Variants in FCRLA observed in about 807,000 individuals in gnomAD.
FCRLA encodes Fc receptor-like A.
FCRLA carries 26 observed loss-of-function variants against 28.4 expected under a neutral mutation model. The ratio of observed to expected loss-of-function variants is 0.91; its 90% CI spans 0.67 to 1.27. FCRLA has a LOEUF of 1.27. FCRLA is among the 50% of genes most tolerant of loss of function. The pLI, the probability that FCRLA is intolerant of heterozygous loss-of-function variation, is 0.00. For missense variants in FCRLA, 422 were observed against 433.1 expected (o/e 0.97, Z 0.23); for synonymous variants, 174 against 168.5 (o/e 1.03, Z -0.25).
chr1:161,713,094 G>T lies in FCRLA; in HGVS notation c.794G>T (p.Ser265Ile). 1.2e-6 allele frequency: 2 copies of T among 1,612,296 alleles called. No individual in the cohort carries two copies. Among genetic ancestry groups the T allele is most frequent in the Admixed American group, 1.7e-5 (1 of 59,562 alleles). Residue 265 changes from serine (S) to isoleucine (I), a missense_variant, in exon 5 of 5, where the codon AGC becomes ATC. This residue lies in a region of FCRLA where 185 missense variants were observed against 198.1 expected (regional missense o/e 0.93). Transcript: ENST00000236938. ...QLEIRVQGAS[S>I]SAAPPTLNPA... is the part of the protein sequence containing the mutation. ...CTGCCCCATAATTCAGGTGCTTCCA[G>T]CTCTGCTGCACCTCCCACATTGAAT...
At position 161,713,542 on chromosome 1, in the gene FCRLA, G is replaced by A. The variant is rs539335514; in HGVS notation, c.*162G>A. The A allele has an allele frequency of 8.2e-6, 5 of 607,914 alleles. No individual in the cohort carries two copies. The highest frequency in any genetic ancestry group is 1.9e-5 in the African/African-American group (1 of 53,996). 37.7% of individuals were successfully genotyped at this position (607,914 alleles called of 1,614,324 possible). Reference sequence around the variant, plus strand: ...GAGTGTAAATAAATTTATATAAAGTGAGAATTAGAGTTTAGCTATAATTGT... The same window carrying A: ...GAGTGTAAATAAATTTATATAAAGTAAGAATTAGAGTTTAGCTATAATTGT... On this transcript the variant is annotated 3_prime_UTR_variant, in exon 5 of 5. Transcript: ENST00000236938.
intron 1 of FCRLA, among the ~76,000 whole-genome samples, chr1:161,709,657 A>T (rs1682998907): frequency 7.9e-6 from 1 of 125,798 alleles, no homozygotes; most frequent in Admixed American, 7.9e-5. Context: ...AAGAGAATAA[A>T]GGCAAGTGGG....
At position 161,712,042 on chromosome 1, in the gene FCRLA, C is replaced by T. The variant is rs1329832825; in HGVS notation, c.608C>T (p.Ala203Val). 6.2e-7 allele frequency: 1 copy of T among 1,614,216 alleles called. No individual in the cohort carries two copies. The highest frequency in any genetic ancestry group is 1.7e-5 in the Admixed American group (1 of 60,024). ...QTKLPLQRSA[A>V]RLLFSFYKDG... ...AAGTTGCCCCTGCAGAGGTCAGCTG[C>T]CCGCCTCCTCTTCTCCTTCTACAAG... is the stretch of plus-strand genomic sequence containing the variant. The change falls in exon 4 of 5, where the codon GCC becomes GTC. Residue 203 changes from alanine to valine, a missense_variant. Ala to Val is a moderately conservative substitution (Grantham distance 64, BLOSUM62 0). Transcript: ENST00000236938.
chr1:161,712,505 A>G (rs533798467), intron 4 of FCRLA, among the ~76,000 whole-genome samples: 1 of 152,208 alleles, frequency 6.6e-6, no homozygotes, highest in Non-Finnish European at 1.5e-5. Flanking sequence ...CTGGGCATTT[A>G]TAGGAATTTA....
At chr1:161,713,012 A>T in intron 4 of FCRLA, 73 bp from the exon 5 acceptor site, 1 of 1,507,946 alleles carries the variant, frequency 6.6e-7, no homozygotes. Flanking sequence ...AACAAGAAAG[A>T]TTGGCCAGGG....
chr1:161,710,634 A>C (rs1434391920), intron 1 of FCRLA, 126 bp from the exon 2 acceptor site: 18 of 1,420,242 alleles, frequency 1.3e-5, no homozygotes, highest in East Asian at 2.4e-5. Flanking sequence ...AAAAAAAAAA[A>C]GGTTTTGATG....
In FCRLA at chr1:161,711,932, A is replaced by G; in HGVS notation, c.500-2A>G. 6.2e-7 allele frequency: 1 copy of G among 1,604,294 alleles called. No individual in the cohort carries two copies. The stretch of plus-strand genomic sequence containing the variant: ...CTTCTTTCCTGCCTATCTTTTTCCC[A>G]GAACTGTTTCCAGCGCCAATTCTCA... On this transcript the variant is annotated splice_acceptor_variant, in intron 3 of 4. Coordinates refer to ENST00000236938, the MANE Select transcript of FCRLA (RefSeq NM_032738.4). LOFTEE classifies it high-confidence loss of function.
chr1:161,711,033 GC>G, intron 2 of FCRLA, 121 bp downstream of exon 2: 1 of 1,465,668 alleles, frequency 6.8e-7, no homozygotes, highest in South Asian at 1.3e-5. Context: ...CCAGTCTTCA[GC>G]CCACAGCAAC....
chr1:161,708,529 T>C (rs139854668), intron 1 of FCRLA, among the ~76,000 whole-genome samples: 70 of 152,354 alleles, frequency 4.6e-4, no homozygotes, highest in African/African-American at 1.6e-3. Context: ...TTCTTTATCA[T>C]GGCACAAAAG....
At position 161,711,377 on chromosome 1, in the gene FCRLA, A is replaced by G; in HGVS notation, c.402A>G (p.Gln134=). The change falls in exon 3 of 5, where the codon CAA becomes CAG. Residue 134 remains glutamine, a synonymous_variant. Coordinates refer to ENST00000236938, the MANE Select transcript of FCRLA (RefSeq NM_032738.4). The stretch of plus-strand genomic sequence containing the variant: ...GGGAATTCTCCATCACCGTGGTACA[A>G]AAGGCAGACAGCGGGCACTACCACT... ...PNREFSITVV[Q]KADSGHYHCS... 6.2e-7 allele frequency: 1 copy of G among 1,614,188 alleles called. No homozygotes were observed. The highest frequency in any genetic ancestry group is 2.2e-5 in the East Asian group (1 of 44,878).
chr1:161,713,185 G>A lies in FCRLA; in HGVS notation c.885G>A (p.Pro295=), dbSNP rs6688140. 1.4e-3 allele frequency: 2,245 copies of A among 1,614,184 alleles called. 5 individuals carry two copies. The highest frequency in any genetic ancestry group is 1.6e-3 in the Non-Finnish European group (1,902 of 1,180,024). Residue 295 remains proline, a synonymous_variant, in exon 5 of 5, where the codon CCG becomes CCA. Coordinates refer to ENST00000236938, the MANE Select transcript of FCRLA (RefSeq NM_032738.4). Reference sequence around the variant, plus strand: ...AGGAGGCCCCTGGGCCTCTGCCTCCGCCGCCAACCCCATCTTCTGAGGATC... The same window carrying A: ...AGGAGGCCCCTGGGCCTCTGCCTCCACCGCCAACCCCATCTTCTGAGGATC... The part of the protein sequence containing the change: ...APEEAPGPLP[P]PPTPSSEDPG...
At position 161,710,830 on chromosome 1, in the gene FCRLA, T is replaced by C. The variant is rs1223419934; in HGVS notation, c.150T>C (p.Asp50=). Residue 50 remains aspartate, a synonymous_variant, in exon 2 of 5, where the codon GAT becomes GAC. Coordinates refer to ENST00000236938, the MANE Select transcript of FCRLA (RefSeq NM_032738.4). ...CTEESSCHTE[D]DLTDAREAGF... is the part of the protein sequence containing the mutation. ...AGGAGAGCAGCTGCCACACGGAGGATGACTTGACTGATGCAAGGGAAGCTG... is the reference window on the plus strand; with the variant it reads ...AGGAGAGCAGCTGCCACACGGAGGACGACTTGACTGATGCAAGGGAAGCTG... 1.5e-5 allele frequency: 24 copies of C among 1,613,950 alleles called. No individual in the cohort carries two copies. The highest frequency in any genetic ancestry group is 2.7e-5 in the African/African-American group (2 of 74,918).
At chr1:161,713,048 C>T (rs753650957) in intron 4 of FCRLA, 37 bp from the exon 5 acceptor site, 4 of 1,580,248 alleles carry the variant, frequency 2.5e-6, no homozygotes, top group Admixed American at 1.8e-5. Context: ...CAGAGTCAGA[C>T]TTCACTCTTG....
chr1:161,713,062 G>A (rs982693291), intron 4 of FCRLA, 23 bp from the exon 5 acceptor site: 9 of 1,597,310 alleles, frequency 5.6e-6, no homozygotes, highest in South Asian at 1.1e-5. Flanking sequence ...ACTCTTGTAT[G>A]TGCCTCCTGC....
rs749816661 is a variant in FCRLA, at chr1:161,710,795, G to C, written c.115G>C (p.Val39Leu). The C allele has an allele frequency of 6.2e-7, 1 of 1,614,110 alleles. No homozygotes were observed. Among genetic ancestry groups the C allele is most frequent in the Non-Finnish European group, 8.5e-7 (1 of 1,180,026 alleles). Residue 39 changes from valine to leucine, a missense_variant, in exon 2 of 5, where the codon GTC (valine) becomes CTC (leucine). Val to Leu is a conservative substitution (Grantham distance 32, BLOSUM62 1). Coordinates refer to ENST00000236938, the MANE Select transcript of FCRLA (RefSeq NM_032738.4). Reference protein sequence around the residue: ...SFETLQCEGPVCTEESSCHTE... With the variant: ...SFETLQCEGPLCTEESSCHTE... ...TGAGACGCTGCAGTGTGAGGGACCTGTCTGCACTGAGGAGAGCAGCTGCCA... is the reference window on the plus strand; with the variant it reads ...TGAGACGCTGCAGTGTGAGGGACCTCTCTGCACTGAGGAGAGCAGCTGCCA...
At chr1:161,712,400 C>T (rs935211213) in intron 4 of FCRLA, among the ~76,000 whole-genome samples, 182 bp downstream of exon 4, 2 of 152,188 alleles carry the variant, frequency 1.3e-5, no homozygotes, top group Non-Finnish European at 2.9e-5. Context: ...GAGAACTTCT[C>T]CCTCAGACTG....
chr1:161,713,305 C>T lies in FCRLA; in HGVS notation c.1005C>T (p.Leu335=), dbSNP rs780377176. 15 of 1,614,110 alleles carry T rather than the reference C, an allele frequency of 9.3e-6. No individual in the cohort carries two copies. The highest frequency in any genetic ancestry group is 1.2e-5 in the Non-Finnish European group (14 of 1,180,038). Residue 335 remains leucine, a synonymous_variant, in exon 5 of 5, where the codon CTC becomes CTT. Transcript: ENST00000236938. The part of the protein sequence containing the change: ...LKHMQDVRVL[L]GHLLMELREL... ...ACATGCAGGATGTGAGAGTCCTCCT[C>T]GGTCACCTGCTCATGGAGTTGAGGG...
At chr1:161,709,860 A>G (rs1683011469) in intron 1 of FCRLA, among the ~76,000 whole-genome samples, 1 of 152,180 alleles carries the variant, frequency 6.6e-6, no homozygotes, top group Non-Finnish European at 1.5e-5. Flanking sequence ...ATAATTCTAA[A>G]TTTCAATCTG....
In FCRLA at chr1:161,713,365, G is replaced by C. The variant is rs543207572; in HGVS notation, c.1065G>C (p.Lys355Asn). 3.7e-6 allele frequency: 6 copies of C among 1,613,730 alleles called. No homozygotes were observed. The highest frequency in any genetic ancestry group is 1.3e-5 in the African/African-American group (1 of 75,030). The change falls in exon 5 of 5, where the codon AAG (lysine) becomes AAC (asparagine). Residue 355 changes from lysine (K) to asparagine (N), a missense_variant. Physicochemically the swap from Lys to Asn is moderately conservative, Grantham distance 94. Transcript: ENST00000236938. ...GCCACCGGAAGCCTGGGACCACAAA[G>C]GCTACTGCTGAATAGAAGTAAACAG... ...LSGHRKPGTT[K>N]ATAE
Sources: allele counts gnomAD v4.1 joint callset (sites outside exome capture counted in the v4.1 genomes callset), GRCh38; gene constraint gnomAD v4.1.1; regional missense constraint gnomAD v4.1.1; transcripts MANE v1.5; gene names NCBI Gene and HGNC (gene_info 2026-07-23, HGNC 2026-07-21).